Variants in FGF12 observed in about 807,000 individuals in gnomAD.
FGF12 encodes fibroblast growth factor 12.
FGF12 carries 14 observed loss-of-function variants against 23.6 expected under a neutral mutation model. The ratio of observed to expected loss-of-function variants is 0.59; its 90% confidence interval spans 0.39 to 0.93. The LOEUF (loss-of-function observed/expected upper bound fraction) is 0.93, where lower values mean the gene tolerates loss of function less well. FGF12 is among the 40% of genes least tolerant of loss of function. The pLI is 0.00. For missense variants in FGF12, 175 were observed against 217.8 expected, an observed-to-expected ratio of 0.80 and a Z score of 1.24; for synonymous variants, 62 against 77.3, an observed-to-expected ratio of 0.80 and a Z score of 1.04.
chr3:192,709,680 TC>T (rs1718599923), intron 2 of FGF12, among the ~76,000 whole-genome samples: 1 of 152,196 alleles, frequency 6.6e-6, no homozygotes, highest in African/African-American at 2.4e-5. Flanking sequence ...TATTAAGTTT[TC>T]CAGTTATAAA....
chr3:192,384,870 A>C (rs932236936), intron 2 of FGF12, among the ~76,000 whole-genome samples: 54 of 152,276 alleles, frequency 3.5e-4, no homozygotes, highest in African/African-American at 1.3e-3. Flanking sequence ...AGGTAGAGAG[A>C]GGGTGAAAAG....
chr3:192,243,731 T>C (rs1390335466), intron 4 of FGF12, among the ~76,000 whole-genome samples: 3 of 152,038 alleles, frequency 2.0e-5, no homozygotes, highest in African/African-American at 7.2e-5. Context: ...CATTATGTTG[T>C]TGAGTCTGTC....
chr3:192,191,263 G>A (rs549180420), intron 4 of FGF12, among the ~76,000 whole-genome samples: 1 of 152,258 alleles, frequency 6.6e-6, no homozygotes, highest in East Asian at 1.9e-4. Flanking sequence ...AATTTTTAGG[G>A]CAGTGAAGCT....
At position 192,624,852 on chromosome 3, in the gene FGF12, C is replaced by A. The variant is rs73887655; in HGVS notation, c.13+102329G>T. On this transcript the variant is annotated intron_variant, in intron 2 of 5. Transcript: ENST00000445105. ...AAAGTCTCTATCCCCTATTTGTGATCCATCAGTACCCTTCCATAGAGCAGC... is the reference window on the plus strand; with the variant it reads ...AAAGTCTCTATCCCCTATTTGTGATACATCAGTACCCTTCCATAGAGCAGC... Among the ~76,000 whole-genome samples the A allele has an allele frequency of 1.7e-3, 256 of 152,196 alleles. 1 individual carries two copies. The highest frequency in any genetic ancestry group is 6.1e-3 in the African/African-American group (252 of 41,550).
At chr3:192,548,670 G>A (rs1229614817) in intron 2 of FGF12, among the ~76,000 whole-genome samples, 1 of 152,106 alleles carries the variant, frequency 6.6e-6, no homozygotes, top group African/African-American at 2.4e-5. Context: ...TCCAGTGATA[G>A]CTATTCTCTA....
At chr3:192,393,068 A>G (rs116315390) in intron 2 of FGF12, among the ~76,000 whole-genome samples, 1,620 of 152,306 alleles carry the variant, frequency 0.011, 29 homozygotes, top group African/African-American at 0.037. Context: ...TTCATAGAAC[A>G]TTGCTGAGGT....
At chr3:192,213,975 GA>G (rs1718063070) in intron 4 of FGF12, among the ~76,000 whole-genome samples, 1 of 152,202 alleles carries the variant, frequency 6.6e-6, no homozygotes, top group Admixed American at 6.5e-5. Context: ...CCCAAGTCAA[GA>G]AAAGGGAGGG....
chr3:192,242,415 C>T lies in FGF12; in HGVS notation c.229-71759G>A, dbSNP rs563723063. ...GTTTATGAACATTGCCAATTTTCCC[C>T]TTGGGGGTATCAAAATTGTTCCAAT... On this transcript the variant is annotated intron_variant, in intron 4 of 5. Transcript: ENST00000445105. Among the ~76,000 whole-genome samples the T allele has an allele frequency of 1.8e-4, 27 of 152,180 alleles. No homozygotes were observed. The South Asian group carries it at 5.4e-3, about 30-fold the overall frequency.
intron 5 of FGF12, among the ~76,000 whole-genome samples, chr3:192,158,354 CTTT>C (rs1560171317): frequency 1.5e-3 from 163 of 111,878 alleles, no homozygotes; most frequent in African/African-American, 6.3e-3. Context: ...TTCTTTCTTT[CTTT>C]CTTTCTTTCT....
Position 192,556,392 on chromosome 3 carries a change from A to G in FGF12, c.13+170789T>C, listed in dbSNP as rs367594199. ...ACCATATTTATTTAAGGCAAAATAG[A>G]CTTCAAGTAAAAAACTGTTATAAGA... is the stretch of plus-strand genomic sequence containing the variant. On this transcript the variant is annotated intron_variant, in intron 2 of 5. Transcript: ENST00000445105. 7.2e-5 allele frequency among the ~76,000 whole-genome samples: 11 copies of G among 152,320 alleles called. No homozygotes were observed. In the South Asian group the frequency reaches 2.3e-3, roughly 32 times the overall value.
chr3:192,460,257 T>A (rs982934023), intron 2 of FGF12, among the ~76,000 whole-genome samples: 1 of 152,186 alleles, frequency 6.6e-6, no homozygotes, highest in Non-Finnish European at 1.5e-5. Flanking sequence ...TTCTTCCTTT[T>A]CCAAAAGACT....
chr3:192,691,497 T>C (rs1457940733), intron 2 of FGF12, among the ~76,000 whole-genome samples: 1 of 151,604 alleles, frequency 6.6e-6, no homozygotes, highest in Non-Finnish European at 1.5e-5. Flanking sequence ...CAAACAAAAA[T>C]GGAAATACAA....
intron 2 of FGF12, among the ~76,000 whole-genome samples, chr3:192,362,407 TC>T (rs1560085591): frequency 6.6e-6 from 1 of 150,518 alleles, no homozygotes; most frequent in Non-Finnish European, 1.5e-5. Flanking sequence ...CCCACGACAG[TC>T]CCAGGTGTGT....
chr3:192,262,380 T>A (rs1712811891), intron 4 of FGF12, among the ~76,000 whole-genome samples: 1 of 152,178 alleles, frequency 6.6e-6, no homozygotes. Flanking sequence ...CTAAAATGTA[T>A]TCTATATGAG....
intron 2 of FGF12, among the ~76,000 whole-genome samples, chr3:192,660,188 G>T (rs374115765): frequency 1.4e-4 from 21 of 150,542 alleles, no homozygotes; most frequent in African/African-American, 4.9e-4. Context: ...CCATAAAAAA[G>T]GATGAGTTCA....
rs79157069 is a variant in FGF12 at position 192,181,566 on chromosome 3, G to A, written c.229-10910C>T. On this transcript the variant is annotated intron_variant, in intron 4 of 5. Transcript: ENST00000445105. ...AGCAGCACGATGTAACTCATGGTCA[G>A]TTACGCAGATAGTAGAAAAGATCAC... Among the ~76,000 whole-genome samples the A allele has an allele frequency of 3.3e-3, 506 of 151,400 alleles. 8 individuals carry two copies. The highest frequency in any genetic ancestry group is 0.031 in the East Asian group (161 of 5,148).
At chr3:192,448,982 T>C (rs1576988972) in intron 2 of FGF12, among the ~76,000 whole-genome samples, 1 of 152,368 alleles carries the variant, frequency 6.6e-6, no homozygotes, top group East Asian at 1.9e-4. Flanking sequence ...TCATGTTTAA[T>C]TACAGTGAAT....
chr3:192,294,015 T>A (rs1327969645), intron 4 of FGF12, among the ~76,000 whole-genome samples: 1 of 152,198 alleles, frequency 6.6e-6, no homozygotes, highest in Admixed American at 6.5e-5. Flanking sequence ...AATTGAATCA[T>A]GGGGGTGGTT....
At chr3:192,197,130 A>G (rs1156796952) in intron 4 of FGF12, among the ~76,000 whole-genome samples, 3 of 152,192 alleles carry the variant, frequency 2.0e-5, no homozygotes, top group African/African-American at 4.8e-5. Context: ...GCCCACCACA[A>G]TCTCTGATTC....
Sources: gnomAD v4.1 joint callset for allele counts (sites outside exome capture counted in the v4.1 genomes callset) on GRCh38, gnomAD v4.1.1 for gene constraint, MANE v1.5 for transcripts, NCBI Gene and HGNC (gene_info 2026-07-23, HGNC 2026-07-21) for gene names.